TGFBRAP1: variants seen among roughly 807,000 people sequenced by gnomAD.
The protein encoded by TGFBRAP1 is transforming growth factor beta receptor associated protein 1.
Under a neutral mutation model 83.2 loss-of-function variants are expected in TGFBRAP1, and 20 were observed. That is an observed-to-expected ratio of 0.24 (90% CI 0.17 to 0.35). The LOEUF (loss-of-function observed/expected upper bound fraction) is 0.35. Among genes scored for constraint, TGFBRAP1 ranks in the 10% least tolerant of loss-of-function variants. TGFBRAP1 has a pLI of 1.00. For missense variants in TGFBRAP1, 950 were observed against 1,099.4 expected, an observed-to-expected ratio of 0.86 and a Z score of 1.92; for synonymous variants, 415 against 459.8, an observed-to-expected ratio of 0.90 and a Z score of 1.25.
chr2:105,290,129 C>T (rs2576745), intron 4 of TGFBRAP1, among the ~76,000 whole-genome samples: 23,607 of 152,220 alleles, frequency 0.16, 2,295 homozygotes, highest in South Asian at 0.24. Flanking sequence ...TGCAGTGGCA[C>T]AATCTTGGCT....
At chr2:105,264,131 T>A (rs547690345), downstream of TGFBRAP1, among the ~76,000 whole-genome samples, 1 of 152,328 alleles carries the variant, frequency 6.6e-6, no homozygotes, top group African/African-American at 2.4e-5. Context: ...GCAGCCTTAT[T>A]TAAGAGTATC....
chr2:105,272,301 C>T lies in TGFBRAP1; in HGVS notation c.1972+554G>A, dbSNP rs1393638339. Among the ~76,000 whole-genome samples the T allele has an allele frequency of 2.0e-5, 3 of 152,090 alleles. No individual in the cohort carries two copies. In the East Asian group the frequency reaches 5.8e-4, roughly 29 times the overall value. On this transcript the variant is annotated intron_variant, in intron 10 of 11. Coordinates refer to ENST00000393359, the MANE Select transcript of TGFBRAP1 (RefSeq NM_004257.6). Reference sequence around the variant, plus strand: ...CTGCATAACCTTCTTGCTTAGAGCTCGAGGGACCTGAGCCTTGAGCAGCTC... The same window carrying T: ...CTGCATAACCTTCTTGCTTAGAGCTTGAGGGACCTGAGCCTTGAGCAGCTC...
intron 1 of TGFBRAP1, among the ~76,000 whole-genome samples, chr2:105,311,183 G>T (rs1678680463): frequency 6.6e-6 from 1 of 150,840 alleles, no homozygotes. Flanking sequence ...AAAACATATG[G>T]TTTACTAAAA....
At chr2:105,315,016 T>C (rs1309484892) in intron 1 of TGFBRAP1, among the ~76,000 whole-genome samples, 1 of 150,124 alleles carries the variant, frequency 6.7e-6, no homozygotes, top group East Asian at 1.9e-4. Context: ...ACAGATAACA[T>C]TACTGTTTAC....
At chr2:105,274,584 A>G in intron 8 of TGFBRAP1, among the ~76,000 whole-genome samples, 1 of 152,230 alleles carries the variant, frequency 6.6e-6, no homozygotes. Context: ...GTTATCATCC[A>G]TAAGCATTGG....
At chr2:105,304,760 G>T (rs2104387914) in intron 2 of TGFBRAP1, among the ~76,000 whole-genome samples, 1 of 152,356 alleles carries the variant, frequency 6.6e-6, no homozygotes, top group African/African-American at 2.4e-5. Context: ...TCCAGCCTGG[G>T]CGACAGAGCG....
chr2:105,318,264 C>T (rs745691426), intron 1 of TGFBRAP1, among the ~76,000 whole-genome samples: 1 of 152,130 alleles, frequency 6.6e-6, no homozygotes, highest in Non-Finnish European at 1.5e-5. Flanking sequence ...GAGCCGCCCA[C>T]AAGGATGAAT....
intron 2 of TGFBRAP1, 47 bp from the exon 3 acceptor site, chr2:105,298,752 T>C (rs763264927): frequency 5.3e-6 from 8 of 1,510,210 alleles, no homozygotes; most frequent in Non-Finnish European, 7.1e-6. Flanking sequence ...ATAAGCATGG[T>C]GTCATTTTCC....
chr2:105,273,508 G>A, intron 9 of TGFBRAP1, 36 bp downstream of exon 9: 1 of 1,610,978 alleles, frequency 6.2e-7, no homozygotes, highest in Non-Finnish European at 8.5e-7. Flanking sequence ...CGTCTCTCCA[G>A]CCCACACTCT....
At chr2:105,327,020 G>C (rs549044897) in intron 1 of TGFBRAP1, among the ~76,000 whole-genome samples, 1 of 152,252 alleles carries the variant, frequency 6.6e-6, no homozygotes, top group East Asian at 1.9e-4. Flanking sequence ...ACAGAGATGA[G>C]TTGTAAAGTC....
chr2:105,289,478 CT>C (rs1264053914), intron 4 of TGFBRAP1, among the ~76,000 whole-genome samples: 2 of 152,058 alleles, frequency 1.3e-5, no homozygotes, highest in Non-Finnish European at 2.9e-5. Flanking sequence ...GGAATCAGTG[CT>C]ATTAATTTCT....
intron 8 of TGFBRAP1, 148 bp downstream of exon 8, chr2:105,275,412 G>T: frequency 7.8e-7 from 1 of 1,289,082 alleles, no homozygotes; most frequent in Non-Finnish European, 1.0e-6. Context: ...TCAAGGGAAG[G>T]TATTAAAAGG....
At chr2:105,295,363 A>C (rs1678046986) in intron 4 of TGFBRAP1, among the ~76,000 whole-genome samples, 1 of 152,222 alleles carries the variant, frequency 6.6e-6, no homozygotes, top group Non-Finnish European at 1.5e-5. Context: ...CAAAGCACAC[A>C]TACATAGCAA....
In TGFBRAP1 at chr2:105,273,640, GTTC is replaced by G. The variant is rs769486334; in HGVS notation, c.1713_1715del (p.Lys571del). ...TGATAATGTCGTCTGGATTAAAACT[GTTC>G]TTCTGCTGTTCATCCAAAGGTCTCT... On this transcript the variant is annotated inframe_deletion, in exon 9 of 12. Transcript: ENST00000393359. The G allele has an allele frequency of 3.5e-5, 56 of 1,614,060 alleles. No homozygotes were observed. The highest frequency in any genetic ancestry group is 1.3e-4 in the East Asian group (6 of 44,894).
Position 105,284,353 on chromosome 2 carries a change from C to T in TGFBRAP1, c.1084G>A (p.Ala362Thr), listed in dbSNP as rs758782758. The change falls in exon 5 of 12, where the codon GCA becomes ACA. Residue 362 changes from alanine to threonine, a missense_variant. By Grantham distance (58) the Ala-to-Thr change is moderately conservative. Transcript: ENST00000393359. ...TTAGCTTCCAGGAACTGAAGTTGTGCAAACTGTATAAATCCCGCCTGCTGC... is the reference window on the plus strand; with the variant it reads ...TTAGCTTCCAGGAACTGAAGTTGTGTAAACTGTATAAATCCCGCCTGCTGC... ...ILQQAGFIQF[A>T]QLQFLEAKEL... The T allele has an allele frequency of 1.2e-6, 2 of 1,613,930 alleles. No homozygotes were observed. Among genetic ancestry groups the T allele is most frequent in the African/African-American group, 2.7e-5 (2 of 74,920 alleles).
chr2:105,272,135 T>C (rs1677176720), intron 10 of TGFBRAP1, among the ~76,000 whole-genome samples: 2 of 152,184 alleles, frequency 1.3e-5, no homozygotes, highest in African/African-American at 4.8e-5. Flanking sequence ...TGAGTATAAA[T>C]GCAGAAATTC....
rs907371742 is a variant in TGFBRAP1 at position 105,271,345 on chromosome 2, G to A, written c.1972+1510C>T. On this transcript the variant is annotated intron_variant, in intron 10 of 11. Coordinates refer to ENST00000393359, the MANE Select transcript of TGFBRAP1 (RefSeq NM_004257.6). ...GTGGCTGGCCTGAGAGTTTTATAAGGAGATTTGTAAAGCAAAAAGAATAAG... is the reference window on the plus strand; with the variant it reads ...GTGGCTGGCCTGAGAGTTTTATAAGAAGATTTGTAAAGCAAAAAGAATAAG... 5.3e-5 allele frequency among the ~76,000 whole-genome samples: 8 copies of A among 152,214 alleles called. No homozygotes were observed. The East Asian group carries it at 1.3e-3, about 26-fold the overall frequency.
chr2:105,314,249 C>CTTTTT (rs1198445714), intron 1 of TGFBRAP1, among the ~76,000 whole-genome samples: 7 of 118,644 alleles, frequency 5.9e-5, no homozygotes, highest in African/African-American at 1.8e-4. Context: ...AGTACTTTCT[C>CTTTTT]TTTTTTTTTT....
intron 1 of TGFBRAP1, among the ~76,000 whole-genome samples, chr2:105,309,944 G>A (rs1428357614): frequency 6.6e-6 from 1 of 152,120 alleles, no homozygotes; most frequent in Non-Finnish European, 1.5e-5. Flanking sequence ...TATGTGAGGA[G>A]GCAGCTGCAA....
Sources: allele counts gnomAD v4.1 joint callset (sites outside exome capture counted in the v4.1 genomes callset), GRCh38; gene constraint gnomAD v4.1.1; transcripts MANE v1.5; gene names NCBI Gene and HGNC (gene_info 2026-07-23, HGNC 2026-07-21).